Variants in GPHN observed in about 807,000 individuals in gnomAD.
GPHN encodes gephyrin.
GPHN carries 17 observed loss-of-function variants against 95.5 expected under a neutral mutation model. The ratio of observed to expected loss-of-function variants is 0.18; its 90% CI spans 0.12 to 0.27. The LOEUF is 0.27. GPHN is among the 10% of genes least tolerant of loss of function. The pLI, the probability that GPHN is intolerant of heterozygous loss-of-function variation, is 1.00. For synonymous variants in GPHN, 320 were observed against 322.5 expected (o/e 0.99, Z 0.08); for missense variants, 660 against 978.1 (o/e 0.67, Z 4.34).
chr14:67,363,976 G>A, the GPHN span: 1 of 152,170 alleles, frequency 6.6e-6, no homozygotes, highest in Non-Finnish European at 1.5e-5. Flanking sequence ...AAGGAGTAGT[G>A]CTGAAAGTAG....
At chr14:67,365,122 T>G in the GPHN span, 17,349 of 1,142,906 alleles carry the variant, frequency 0.015, 168 homozygotes, top group Non-Finnish European at 0.018. Context: ...CTTTTATACT[T>G]AAACCTTTTA....
intron 8 of GPHN, among the ~76,000 whole-genome samples, chr14:66,936,542 G>T (rs775205499): frequency 1.3e-4 from 20 of 152,186 alleles, no homozygotes; most frequent in Non-Finnish European, 1.9e-4. Context: ...ATAAACATCT[G>T]TGGAGTAAGA....
chr14:67,685,097 T>G, the GPHN span: 1 of 1,614,086 alleles, frequency 6.2e-7, no homozygotes, highest in Non-Finnish European at 8.5e-7. Context: ...TGAGGAGTCT[T>G]GATGAAAAAG....
At chr14:67,015,011 C>T (rs1349278085) in intron 9 of GPHN, among the ~76,000 whole-genome samples, 1 of 152,126 alleles carries the variant, frequency 6.6e-6, no homozygotes, top group African/African-American at 2.4e-5. Context: ...TGCTTAAATT[C>T]ATATTTCCTT....
the GPHN span, chr14:67,562,183 A>T: frequency 1.2e-6 from 2 of 1,611,616 alleles, no homozygotes; most frequent in African/African-American, 1.3e-5. Context: ...CCCCCTACGG[A>T]GCTGCAGAGC....
Position 66,740,066 on chromosome 14 carries a change from ATT to A in GPHN, c.144-36396_144-36395del, listed in dbSNP as rs2072662907. Among the ~76,000 whole-genome samples the A allele has an allele frequency of 5.9e-5, 9 of 152,144 alleles. No homozygotes were observed. In the South Asian group the frequency reaches 1.7e-3, roughly 28 times the overall value. ...AATAGGCTAAAAGAAATTATTGAGA[ATT>A]TATCACAAAGAGCAAAAATTCAAAA... On this transcript the variant is annotated intron_variant, in intron 2 of 22. Coordinates refer to ENST00000478722, the MANE Select transcript of GPHN (RefSeq NM_020806.5).
intron 8 of GPHN, among the ~76,000 whole-genome samples, chr14:66,951,777 T>A (rs1420874649): frequency 6.6e-6 from 1 of 152,172 alleles, no homozygotes; most frequent in Non-Finnish European, 1.5e-5. Context: ...TATGGTCACT[T>A]ATTGTATGAT....
the GPHN span, chr14:67,199,977 G>A: frequency 8.7e-7 from 1 of 1,150,728 alleles, no homozygotes; most frequent in Non-Finnish European, 1.2e-6. Context: ...ATCCAGGGAT[G>A]TCTCAGATGC....
intron 2 of GPHN, among the ~76,000 whole-genome samples, chr14:66,736,366 AT>A (rs1225724938): frequency 2.7e-5 from 4 of 147,562 alleles, no homozygotes; most frequent in African/African-American, 7.5e-5. Context: ...TTTTCATTGA[AT>A]TTTTTATTTT....
At chr14:67,338,642 G>C in the GPHN span, 1 of 1,613,840 alleles carries the variant, frequency 6.2e-7, no homozygotes, top group Non-Finnish European at 8.5e-7. Flanking sequence ...GAAGATCCTC[G>C]TCCTTCTCTT....
At chr14:67,593,933 G>A in the GPHN span, 31 of 1,611,666 alleles carry the variant, frequency 1.9e-5, no homozygotes, top group Non-Finnish European at 2.5e-5. Flanking sequence ...GAAGATGGCA[G>A]CAGAGAGGAT....
chr14:67,228,234 G>T, the GPHN span: 1 of 158,050 alleles, frequency 6.3e-6, no homozygotes, highest in Non-Finnish European at 1.4e-5. Flanking sequence ...AAAAAGAGAT[G>T]TTATTCATCC....
chr14:67,109,659 C>G (rs943315392), intron 13 of GPHN, among the ~76,000 whole-genome samples: 26 of 152,146 alleles, frequency 1.7e-4, no homozygotes. Flanking sequence ...TAAAATATTT[C>G]TGGCTTGCCT....
intron 4 of GPHN, among the ~76,000 whole-genome samples, chr14:66,867,124 T>C (rs1015764820): frequency 6.6e-6 from 1 of 152,078 alleles, no homozygotes; most frequent in African/African-American, 2.4e-5. Context: ...CTTCCAGGAA[T>C]TGAAGAAGAT....
intron 17 of GPHN, among the ~76,000 whole-genome samples, chr14:67,136,188 C>T (rs1168603995): frequency 1.3e-5 from 2 of 152,140 alleles, no homozygotes; most frequent in Non-Finnish European, 2.9e-5. Flanking sequence ...TTTTCCTCTC[C>T]CTACTGAAAG....
At chr14:66,738,492 TAAAACC>T (rs1290573682) in intron 2 of GPHN, among the ~76,000 whole-genome samples, 14 of 152,356 alleles carry the variant, frequency 9.2e-5, no homozygotes, top group African/African-American at 3.1e-4. Context: ...GGAAATACTT[TAAAACC>T]TTTGCATTGT....
chr14:67,207,807 G>GC, the GPHN span, among the ~76,000 whole-genome samples: 1 of 152,104 alleles, frequency 6.6e-6, no homozygotes, highest in Non-Finnish European at 1.5e-5. Context: ...TATATTATGA[G>GC]CCCCCAGCCC....
the GPHN span, chr14:67,221,942 A>G: frequency 8.1e-6 from 9 of 1,114,514 alleles, no homozygotes; most frequent in East Asian, 2.6e-5. Context: ...TTTCTTCACT[A>G]TGCTCCATTC....
At chr14:67,062,128 G>T (rs1347858098) in intron 11 of GPHN, among the ~76,000 whole-genome samples, 3 of 152,056 alleles carry the variant, frequency 2.0e-5, no homozygotes, top group Non-Finnish European at 4.4e-5. Flanking sequence ...ACTGTAAATT[G>T]AATTGTCATA....
Sources: allele counts gnomAD v4.1 joint callset (sites outside exome capture counted in the v4.1 genomes callset), GRCh38; gene constraint gnomAD v4.1.1; transcripts MANE v1.5; gene names NCBI Gene and HGNC (gene_info 2026-07-23, HGNC 2026-07-21).